The following ROBO1 variants were observed in gnomAD, a reference collection of about 807,000 sequenced individuals.
The protein encoded by ROBO1 is roundabout guidance receptor 1, also known as roundabout homolog 1.
A neutral mutation model predicts 195.9 loss-of-function variants in ROBO1; 149 were observed. The ratio of observed to expected loss-of-function variants is 0.76; its 90% confidence interval spans 0.67 to 0.87. The LOEUF is 0.87. Among genes scored for constraint, ROBO1 ranks in the 40% least tolerant of loss-of-function variants. ROBO1 has a pLI of 0.00. For synonymous variants in ROBO1, 816 were observed against 733.2 expected, an observed-to-expected ratio of 1.11 and a Z score of -1.82; for missense variants, 1,933 against 2,068.3, an observed-to-expected ratio of 0.93 and a Z score of 1.27.
At chr3:79,766,610 G>T (rs1448357174) in intron 1 of ROBO1, among the ~76,000 whole-genome samples, 1 of 151,978 alleles carries the variant, frequency 6.6e-6, no homozygotes, top group Non-Finnish European at 1.5e-5. Flanking sequence ...CTGCAGCAGT[G>T]GGGTTGCCAC....
chr3:79,153,560 C>T (rs919728982), intron 2 of ROBO1, among the ~76,000 whole-genome samples: 1 of 151,332 alleles, frequency 6.6e-6, no homozygotes, highest in Non-Finnish European at 1.5e-5. Context: ...AGGAATATTG[C>T]TATGTTATTG....
chr3:78,657,376 G>C (rs1707104867), intron 17 of ROBO1, 107 bp from the exon 18 acceptor site: 11 of 1,060,946 alleles, frequency 1.0e-5, no homozygotes, highest in Non-Finnish European at 1.5e-5. Flanking sequence ...AAACTGTCAT[G>C]CACTACCATA....
intron 4 of ROBO1, among the ~76,000 whole-genome samples, chr3:78,931,303 C>T (rs2039519321): frequency 7.3e-6 from 1 of 137,726 alleles, no homozygotes; most frequent in Non-Finnish European, 1.5e-5. Context: ...TACAATGGCA[C>T]GATCTCAGCT....
At chr3:78,858,887 A>G (rs1021193553) in intron 4 of ROBO1, among the ~76,000 whole-genome samples, 1 of 152,200 alleles carries the variant, frequency 6.6e-6, no homozygotes, top group Non-Finnish European at 1.5e-5. Flanking sequence ...AGCCAAATCT[A>G]GATGTCAGGT....
intron 2 of ROBO1, among the ~76,000 whole-genome samples, chr3:79,301,083 GTTCTTTCGCTCTT>G (rs1406144732): frequency 6.6e-6 from 1 of 152,060 alleles, no homozygotes; most frequent in East Asian, 1.9e-4. Context: ...TGGAAGCTTT[GTTCTTTCGCTCTT>G]TGCAATAAAT....
intron 4 of ROBO1, among the ~76,000 whole-genome samples, chr3:78,855,678 C>G (rs1216952031): frequency 1.3e-5 from 2 of 152,016 alleles, no homozygotes; most frequent in Non-Finnish European, 1.5e-5. Flanking sequence ...CCTGTTACAG[C>G]TGATAAACTA....
At chr3:78,610,819 G>C (rs914705990) in intron 28 of ROBO1, among the ~76,000 whole-genome samples, 4 of 152,108 alleles carry the variant, frequency 2.6e-5, no homozygotes, top group African/African-American at 9.7e-5. Flanking sequence ...GGGAAATGTT[G>C]ACAGGTTTGA....
chr3:78,702,285 T>A (rs1314174449), intron 8 of ROBO1, among the ~76,000 whole-genome samples: 22 of 152,250 alleles, frequency 1.4e-4, no homozygotes, highest in Non-Finnish European at 1.5e-5. Flanking sequence ...ATAAAAAATA[T>A]CCATACAAAT....
intron 3 of ROBO1, among the ~76,000 whole-genome samples, chr3:79,021,010 G>A (rs2078090033): frequency 6.6e-6 from 1 of 152,096 alleles, no homozygotes; most frequent in Non-Finnish European, 1.5e-5. Context: ...ATTGATTTTG[G>A]TTGCTGCTGG....
chr3:79,308,516 C>G (rs768997491), intron 2 of ROBO1, among the ~76,000 whole-genome samples: 1 of 152,022 alleles, frequency 6.6e-6, no homozygotes, highest in African/African-American at 2.4e-5. Context: ...GTGCTTAGTA[C>G]TATGCGAATT....
intron 4 of ROBO1, among the ~76,000 whole-genome samples, chr3:78,860,139 GTAGATAGATAGATAGATAGATAGATAGA>G (rs766675007): frequency 7.0e-6 from 1 of 141,976 alleles, no homozygotes; most frequent in African/African-American, 2.6e-5. Flanking sequence ...AGGTAGATAG[GTAGATAGATAGATAGATAGATAGATAGA>G]TAGATAGATA....
At chr3:78,959,555 T>C (rs1473361240) in intron 3 of ROBO1, among the ~76,000 whole-genome samples, 1 of 152,200 alleles carries the variant, frequency 6.6e-6, no homozygotes, top group Non-Finnish European at 1.5e-5. Flanking sequence ...AACTATTCTG[T>C]ACAGACCCCT....
At chr3:79,153,822 A>G (rs917789490) in intron 2 of ROBO1, among the ~76,000 whole-genome samples, 10 of 150,674 alleles carry the variant, frequency 6.6e-5, no homozygotes, top group African/African-American at 1.7e-4. Flanking sequence ...GTTTTAACAT[A>G]TATCATTACA....
chr3:78,820,797 A>G (rs897725742), intron 4 of ROBO1, among the ~76,000 whole-genome samples: 1 of 152,204 alleles, frequency 6.6e-6, no homozygotes, highest in Non-Finnish European at 1.5e-5. Flanking sequence ...CATTCACACC[A>G]GAAGTTCAGT....
chr3:78,700,857 G>A (rs1053205844), intron 8 of ROBO1, among the ~76,000 whole-genome samples: 9 of 151,002 alleles, frequency 6.0e-5, no homozygotes, highest in East Asian at 2.0e-4. Flanking sequence ...TCCACCTCCC[G>A]GGTTCAAGTG....
chr3:79,579,946 G>A (rs1271388896), intron 2 of ROBO1, among the ~76,000 whole-genome samples: 1 of 152,056 alleles, frequency 6.6e-6, no homozygotes, highest in Non-Finnish European at 1.5e-5. Context: ...TATTAGTGAT[G>A]CTATGCTTGT....
At chr3:79,324,593 AAAAC>A (rs2034126640) in intron 2 of ROBO1, among the ~76,000 whole-genome samples, 2 of 152,174 alleles carry the variant, frequency 1.3e-5, no homozygotes, top group African/African-American at 4.8e-5. Flanking sequence ...AAAACAAAAC[AAAAC>A]AAACAGACAA....
rs1157735331 is a variant in ROBO1 at position 79,271,003 on chromosome 3, C to A, written c.89-145464G>T. 2.0e-5 allele frequency among the ~76,000 whole-genome samples: 3 copies of A among 151,810 alleles called. No individual in the cohort carries two copies. In the East Asian group the frequency reaches 5.8e-4, roughly 29 times the overall value. On this transcript the variant is annotated intron_variant, in intron 2 of 30. Coordinates refer to ENST00000464233, the MANE Select transcript of ROBO1 (RefSeq NM_002941.4). Reference sequence around the variant, plus strand: ...ATTGTAACATGATTCTTTATATTAACCTTGAAAATGGCTGTGGAAATAATG... The same window carrying A: ...ATTGTAACATGATTCTTTATATTAAACTTGAAAATGGCTGTGGAAATAATG...
At chr3:79,560,308 T>C (rs1327186769) in intron 2 of ROBO1, among the ~76,000 whole-genome samples, 1 of 137,390 alleles carries the variant, frequency 7.3e-6, no homozygotes, top group East Asian at 2.1e-4. Flanking sequence ...CCGCATATTC[T>C]CACTCACAGG....
Sources: gnomAD v4.1 joint callset for allele counts (sites outside exome capture counted in the v4.1 genomes callset) on GRCh38, gnomAD v4.1.1 for gene constraint, MANE v1.5 for transcripts, NCBI Gene and HGNC (gene_info 2026-07-23, HGNC 2026-07-21) for gene names.